IKZF3: variants seen among roughly 807,000 people sequenced by gnomAD.
IKZF3 encodes the protein zinc finger protein Aiolos.
IKZF3 carries 10 observed loss-of-function variants against 49.0 expected under a neutral mutation model. That is an observed-to-expected ratio of 0.20 (90% confidence interval 0.13 to 0.35). The LOEUF is 0.35. Among genes scored for constraint, IKZF3 ranks in the 10% least tolerant of loss-of-function variants. The pLI is 1.00. For synonymous variants in IKZF3, 209 were observed against 228.2 expected (o/e 0.92, Z 0.76); for missense variants, 498 against 664.8 (o/e 0.75, Z 2.76).
intron 3 of IKZF3, among the ~76,000 whole-genome samples, chr17:39,795,936 G>A (rs1417385038): frequency 6.6e-6 from 1 of 151,840 alleles, no homozygotes; most frequent in African/African-American, 2.4e-5. Context: ...CAGCTACTGG[G>A]GAGGCTGAGG....
Position 39,799,612 on chromosome 17 carries a change from C to T in IKZF3, c.164-6679G>A, listed in dbSNP as rs537814426. 1.5e-4 allele frequency among the ~76,000 whole-genome samples: 23 copies of T among 152,292 alleles called. No homozygotes were observed. In the South Asian group the frequency reaches 4.8e-3, roughly 32 times the overall value. On this transcript the variant is annotated intron_variant, in intron 3 of 7. Transcript: ENST00000346872. ...CAGGTGCTCAGGCCTCAACCTAGAC[C>T]TACTGGACCAGAATTTGCATTTTAA...
rs374176482 is a variant in IKZF3, at chr17:39,788,812, C to T, written c.593-438G>A. Among the ~76,000 whole-genome samples the T allele has an allele frequency of 2.2e-4, 33 of 152,326 alleles. No homozygotes were observed. In the South Asian group the frequency reaches 6.4e-3, roughly 30 times the overall value. On this transcript the variant is annotated intron_variant, in intron 5 of 7. Coordinates refer to ENST00000346872, the MANE Select transcript of IKZF3 (RefSeq NM_012481.5). The stretch of plus-strand genomic sequence containing the variant: ...CTGTAGTTTGTGGGAGTTAGCCATT[C>T]GGCTAGAAACTGATGGCCTTTTCAG...
intron 2 of IKZF3, among the ~76,000 whole-genome samples, chr17:39,830,855 C>T (rs566310700): frequency 1.3e-5 from 2 of 152,154 alleles, no homozygotes; most frequent in East Asian, 1.9e-4. Flanking sequence ...CACGCGGGAG[C>T]GAAAGAGAAA....
chr17:39,786,013 T>A (rs2060865658), intron 6 of IKZF3, among the ~76,000 whole-genome samples: 1 of 152,132 alleles, frequency 6.6e-6, no homozygotes, highest in Non-Finnish European at 1.5e-5. Context: ...GGCAAATCCA[T>A]AGAGACAGAA....
intron 1 of IKZF3, among the ~76,000 whole-genome samples, chr17:39,859,490 G>A (rs1249132842): frequency 6.6e-6 from 1 of 151,754 alleles, no homozygotes; most frequent in Non-Finnish European, 1.5e-5. Context: ...CCAGGCTCAA[G>A]CCATCTTCCT....
intron 3 of IKZF3, among the ~76,000 whole-genome samples, chr17:39,815,908 T>C (rs1298698492): frequency 2.0e-5 from 3 of 152,210 alleles, no homozygotes; most frequent in Admixed American, 1.3e-4. Flanking sequence ...TAGGGCTTCT[T>C]TTTTCAAAAA....
intron 1 of IKZF3, among the ~76,000 whole-genome samples, chr17:39,842,247 T>C (rs968080462): frequency 3.9e-5 from 6 of 152,170 alleles, no homozygotes; most frequent in Non-Finnish European, 5.9e-5. Flanking sequence ...ATGGGCATAG[T>C]GGCTCACTCC....
chr17:39,812,407 T>C (rs1568009575), intron 3 of IKZF3, among the ~76,000 whole-genome samples: 2 of 152,186 alleles, frequency 1.3e-5, no homozygotes, highest in Non-Finnish European at 2.9e-5. Context: ...TTCTGGTAAT[T>C]GCTTAACAAC....
chr17:39,845,357 A>T, intron 1 of IKZF3, among the ~76,000 whole-genome samples: 1 of 150,900 alleles, frequency 6.6e-6, no homozygotes, highest in South Asian at 2.1e-4. Flanking sequence ...CCGTCTTTAT[A>T]AAAAAATACA....
chr17:39,863,177 T>A (rs2063262237), intron 1 of IKZF3, among the ~76,000 whole-genome samples: 1 of 152,104 alleles, frequency 6.6e-6, no homozygotes, highest in Non-Finnish European at 1.5e-5. Context: ...AATGCAAAAT[T>A]TTTAAAGTTT....
chr17:39,836,722 T>C (rs1179944304), intron 1 of IKZF3, among the ~76,000 whole-genome samples: 1 of 152,164 alleles, frequency 6.6e-6, no homozygotes, highest in African/African-American at 2.4e-5. Context: ...AATTATACAC[T>C]TCACATAAAA....
intron 1 of IKZF3, among the ~76,000 whole-genome samples, chr17:39,854,207 T>C (rs1451900501): frequency 1.3e-5 from 2 of 151,826 alleles, no homozygotes; most frequent in South Asian, 2.1e-4. Flanking sequence ...AAAATGTAAA[T>C]GCACCAGCAC....
At chr17:39,811,161 C>A (rs1229611277) in intron 3 of IKZF3, among the ~76,000 whole-genome samples, 1 of 151,404 alleles carries the variant, frequency 6.6e-6, no homozygotes, top group African/African-American at 2.4e-5. Context: ...TGCTTGAGCC[C>A]ACGAGGTCAA....
At chr17:39,858,915 T>A (rs1305709819) in intron 1 of IKZF3, among the ~76,000 whole-genome samples, 1 of 151,454 alleles carries the variant, frequency 6.6e-6, no homozygotes, top group East Asian at 1.9e-4. Flanking sequence ...TCCTCCCACC[T>A]CAGCCTCCCA....
intron 3 of IKZF3, among the ~76,000 whole-genome samples, chr17:39,794,068 T>C (rs1385571660): frequency 1.3e-5 from 2 of 152,216 alleles, no homozygotes; most frequent in African/African-American, 2.4e-5. Flanking sequence ...CACAAATCAA[T>C]GGAGTGTAGG....
At chr17:39,808,728 C>T (rs566221740) in intron 3 of IKZF3, among the ~76,000 whole-genome samples, 8 of 152,262 alleles carry the variant, frequency 5.3e-5, no homozygotes, top group African/African-American at 1.9e-4. Context: ...CTTTTCTTTA[C>T]AGTCTGAGAG....
chr17:39,800,176 A>C (rs2061280970), intron 3 of IKZF3, among the ~76,000 whole-genome samples: 1 of 152,244 alleles, frequency 6.6e-6, no homozygotes, highest in African/African-American at 2.4e-5. Flanking sequence ...TAGTATGAAT[A>C]ATCTCATGTT....
In IKZF3 at chr17:39,864,300, G is replaced by A. The variant is rs760509036; in HGVS notation, c.-174C>T. Reference sequence around the variant, plus strand: ...AAAGGGCAGGAGCCGGCGACCTGCCGGTGCGCGGGGTTACAGCGGCGCTGG... The same window carrying A: ...AAAGGGCAGGAGCCGGCGACCTGCCAGTGCGCGGGGTTACAGCGGCGCTGG... On this transcript the variant is annotated 5_prime_UTR_variant, in exon 1 of 8. Coordinates refer to ENST00000346872, the MANE Select transcript of IKZF3 (RefSeq NM_012481.5). 134 of 646,170 alleles carry A rather than the reference G, an allele frequency of 2.1e-4. No homozygotes were observed. The highest frequency in any genetic ancestry group is 8.8e-4 in the Middle Eastern group (2 of 2,282). The allele number at this position is 646,170 out of a possible 1,614,324, so 40.0% of individuals were successfully genotyped here.
At chr17:39,771,245 G>A (rs113187251) in intron 7 of IKZF3, among the ~76,000 whole-genome samples, 166 of 152,342 alleles carry the variant, frequency 1.1e-3, no homozygotes, top group African/African-American at 3.8e-3. Context: ...GGGCTTAGTG[G>A]CAGCAACTGC....
Sources: allele counts gnomAD v4.1 joint callset (sites outside exome capture counted in the v4.1 genomes callset), GRCh38; gene constraint gnomAD v4.1.1; transcripts MANE v1.5; gene names NCBI Gene and HGNC (gene_info 2026-07-23, HGNC 2026-07-21).